PACS2: variants seen among roughly 807,000 people sequenced by gnomAD.
The protein encoded by PACS2 is phosphofurin acidic cluster sorting protein 2, also known as PACS1-like protein.
PACS2 carries 36 observed loss-of-function variants against 113.0 expected under a neutral mutation model. The ratio of observed to expected loss-of-function variants is 0.32; its 90% CI spans 0.24 to 0.42. PACS2 has a LOEUF of 0.42. PACS2 is among the 10% of genes least tolerant of loss of function. The pLI, the probability that PACS2 is intolerant of heterozygous loss-of-function variation, is 1.00. For synonymous variants in PACS2, 589 were observed against 536.1 expected, an observed-to-expected ratio of 1.10 and a Z score of -1.36; for missense variants, 1,015 against 1,239.5, an observed-to-expected ratio of 0.82 and a Z score of 2.72.
chr14:105,334,059 G>A (rs1269296751), intron 1 of PACS2, among the ~76,000 whole-genome samples: 1 of 152,236 alleles, frequency 6.6e-6, no homozygotes, highest in East Asian at 1.9e-4. Context: ...GTGGGGTGTC[G>A]GGGGCCTGGG....
chr14:105,321,836 A>G (rs747770414), intron 1 of PACS2, among the ~76,000 whole-genome samples: 6 of 150,812 alleles, frequency 4.0e-5, no homozygotes, highest in Non-Finnish European at 7.4e-5. Context: ...CCTGTTAGCT[A>G]TTTTTCTATC....
At chr14:105,308,538 A>G (rs949201669) in intron 1 of PACS2, among the ~76,000 whole-genome samples, 4 of 140,862 alleles carry the variant, frequency 2.8e-5, no homozygotes, top group African/African-American at 1.1e-4. Context: ...GCTGGAGTGC[A>G]GTGGTGCAAT....
At chr14:105,384,499 C>T (rs1367795831) in intron 17 of PACS2, 36 bp downstream of exon 17, 196 of 1,435,652 alleles carry the variant, frequency 1.4e-4, no homozygotes, top group Non-Finnish European at 1.8e-4. Flanking sequence ...CACGCCACGG[C>T]GGGAGGAAGG....
chr14:105,308,098 G>A (rs587673421), intron 1 of PACS2, among the ~76,000 whole-genome samples: 13 of 152,248 alleles, frequency 8.5e-5, no homozygotes, highest in Admixed American at 2.6e-4. Context: ...CAGGAGAATC[G>A]CTTGAACCCA....
At chr14:105,328,035 GCCTCCC>G (rs2059185421) in intron 1 of PACS2, among the ~76,000 whole-genome samples, 1 of 152,268 alleles carries the variant, frequency 6.6e-6, no homozygotes, top group Non-Finnish European at 1.5e-5. Flanking sequence ...TCAGAACAGT[GCCTCCC>G]CCCAGGATTC....
At chr14:105,380,017 C>A in intron 10 of PACS2, 63 bp from the exon 11 acceptor site, 2 of 1,475,042 alleles carry the variant, frequency 1.4e-6, no homozygotes, top group Non-Finnish European at 1.9e-6. Context: ...ATTCCCAGTC[C>A]AGAAGTCAGC....
chr14:105,388,450 G>C (rs587664762), intron 19 of PACS2, among the ~76,000 whole-genome samples: 8 of 152,376 alleles, frequency 5.3e-5, no homozygotes, highest in African/African-American at 1.9e-4. Flanking sequence ...AGATAGCGCT[G>C]CTGGTCCTGG....
intron 7 of PACS2, 59 bp from the exon 8 acceptor site, chr14:105,369,782 T>C: frequency 6.9e-7 from 1 of 1,450,164 alleles, no homozygotes; most frequent in Non-Finnish European, 9.4e-7. Flanking sequence ...AGGAAGGGGC[T>C]CCAGCGGCGG....
chr14:105,302,493 G>GCCCTGTCCTCCCAAAGTGC (rs2058070833), intron 1 of PACS2, among the ~76,000 whole-genome samples: 1 of 151,746 alleles, frequency 6.6e-6, no homozygotes, highest in Non-Finnish European at 1.5e-5. Flanking sequence ...ATGAGCCACC[G>GCCCTGTCCTCCCAAAGTGC]TGCATGGCCC....
In PACS2 at chr14:105,394,219, C is replaced by T. The variant is rs587647309; in HGVS notation, c.2597-335C>T. 3 of 985,380 alleles carry T rather than the reference C, an allele frequency of 3.0e-6. No homozygotes were observed. The African/African-American group carries it at 5.2e-5, about 17-fold the overall frequency. 61.0% of individuals were successfully genotyped at this position (985,380 alleles called of 1,614,324 possible). Reference sequence around the variant, plus strand: ...GGGCTCCCACTGTCTTCTTCCCACACCTGTGCAGGTGGAAGTGGATGTGGA... The same window carrying T: ...GGGCTCCCACTGTCTTCTTCCCACATCTGTGCAGGTGGAAGTGGATGTGGA... On this transcript the variant is annotated intron_variant, in intron 24 of 24. Coordinates refer to ENST00000447393, the MANE Select transcript of PACS2 (RefSeq NM_001100913.3).
intron 4 of PACS2, among the ~76,000 whole-genome samples, chr14:105,362,682 C>T (rs1243807007): frequency 6.6e-6 from 1 of 151,768 alleles, no homozygotes; most frequent in African/African-American, 2.4e-5. Flanking sequence ...GAAATGCCAT[C>T]TCTGCTAAAA....
intron 16 of PACS2, 97 bp from the exon 17 acceptor site, chr14:105,384,256 C>G (rs1555412932): frequency 1.5e-6 from 1 of 682,040 alleles, no homozygotes; most frequent in African/African-American, 1.8e-5. Flanking sequence ...GGCAGCAGCA[C>G]AGGCCTGGGG....
intron 24 of PACS2, among the ~76,000 whole-genome samples, chr14:105,394,037 C>CAAA (rs35175118): frequency 0.011 from 771 of 72,016 alleles, 13 homozygotes; most frequent in African/African-American, 0.038. Context: ...GACTCCGCCT[C>CAAA]AAAAAAAAAA....
At chr14:105,373,490 T>C (rs2061233741) in intron 8 of PACS2, among the ~76,000 whole-genome samples, 1 of 152,222 alleles carries the variant, frequency 6.6e-6, no homozygotes, top group African/African-American at 2.4e-5. Flanking sequence ...ACAAAGGTGC[T>C]AGGACCACTG....
At position 105,379,787 on chromosome 14, in the gene PACS2, G is replaced by A. The variant is rs781873161; in HGVS notation, c.1008G>A (p.Gly336=). The part of the protein sequence containing the change: ...LSHSSSQTEI[G]SIHSARSHKE... ...ACTCGAGCTCGCAGACGGAGATTGG[G>A]AGCATCCACAGCGCCCGCAGCCACA... is the stretch of plus-strand genomic sequence containing the variant. Residue 336 remains glycine (G), a synonymous_variant, in exon 10 of 25, where the codon GGG becomes GGA. Coordinates refer to ENST00000447393, the MANE Select transcript of PACS2 (RefSeq NM_001100913.3). 1.9e-6 allele frequency: 3 copies of A among 1,613,568 alleles called. No individual in the cohort carries two copies. Among genetic ancestry groups the A allele is most frequent in the Non-Finnish European group, 2.5e-6 (3 of 1,180,010 alleles).
At chr14:105,379,043 G>A (rs587698614) in intron 9 of PACS2, among the ~76,000 whole-genome samples, 1 of 151,442 alleles carries the variant, frequency 6.6e-6, no homozygotes, top group African/African-American at 2.4e-5. Context: ...TGGTCGGGAA[G>A]GGCCTGGGTG....
intron 1 of PACS2, among the ~76,000 whole-genome samples, chr14:105,325,008 C>G (rs1327306937): frequency 6.6e-6 from 1 of 152,144 alleles, no homozygotes; most frequent in Admixed American, 6.5e-5. Context: ...CCTGGCTGTT[C>G]CGCTCCACTG....
At chr14:105,394,207 CT>C in intron 24 of PACS2, 1 of 985,392 alleles carries the variant, frequency 1.0e-6, no homozygotes, top group Non-Finnish European at 1.2e-6. Flanking sequence ...CTCCCACTGT[CT>C]TCTTCCCACA....
intron 1 of PACS2, among the ~76,000 whole-genome samples, chr14:105,320,969 GT>G (rs1052293031): frequency 6.6e-6 from 1 of 152,160 alleles, no homozygotes; most frequent in African/African-American, 2.4e-5. Flanking sequence ...CCTGGGCAAC[GT>G]AGTGAAATCC....
Sources: allele counts gnomAD v4.1 joint callset (sites outside exome capture counted in the v4.1 genomes callset), GRCh38; gene constraint gnomAD v4.1.1; transcripts MANE v1.5; gene names NCBI Gene and HGNC (gene_info 2026-07-23, HGNC 2026-07-21).